Variants in GCC2 observed in about 807,000 individuals in gnomAD.
The protein encoded by GCC2 is GRIP and coiled-coil domain-containing protein 2.
Under a neutral mutation model 210.6 loss-of-function variants are expected in GCC2, and 120 were observed. The observed-to-expected ratio is 0.57, with a 90% confidence interval of 0.49 to 0.66. GCC2 has a LOEUF of 0.66. Ranked by LOEUF, GCC2 falls within the 30% of genes least tolerant of loss-of-function variation. The probability of loss-of-function intolerance (pLI) is 0.00; values close to 1 mark genes in which losing one functional copy is unlikely to be tolerated. For synonymous variants in GCC2, 703 were observed against 652.7 expected (o/e 1.08, Z -1.17); for missense variants, 1,868 against 1,871.9 (o/e 1.00, Z 0.04).
chr2:108,453,016 C>T (rs1012469643), intron 4 of GCC2, among the ~76,000 whole-genome samples: 1 of 152,196 alleles, frequency 6.6e-6, no homozygotes, highest in African/African-American at 2.4e-5. Context: ...ATGGTTGTTA[C>T]TTCATTCTCT....
chr2:108,502,621 ATTCTCTC>A (rs941434193), intron 22 of GCC2, among the ~76,000 whole-genome samples: 1 of 144,646 alleles, frequency 6.9e-6, no homozygotes, highest in African/African-American at 2.6e-5. Flanking sequence ...GATACCTTAC[ATTCTCTC>A]TTAAAGAGAG....
At chr2:108,479,993 A>C (rs76065931) in intron 9 of GCC2, among the ~76,000 whole-genome samples, 19 of 32,022 alleles carry the variant, frequency 5.9e-4, no homozygotes, top group Admixed American at 5.1e-3. Flanking sequence ...AAAAAAAAAA[A>C]AAAAAAAAAA....
intron 4 of GCC2, among the ~76,000 whole-genome samples, chr2:108,459,363 T>G (rs1334329391): frequency 6.6e-6 from 1 of 152,220 alleles, no homozygotes; most frequent in East Asian, 1.9e-4. Flanking sequence ...GATTTTGATT[T>G]TTAAAAATTT....
intron 4 of GCC2, among the ~76,000 whole-genome samples, chr2:108,454,862 C>T (rs544147371): frequency 6.6e-6 from 1 of 151,768 alleles, no homozygotes; most frequent in East Asian, 1.9e-4. Flanking sequence ...TGTTAGTTAT[C>T]ATTGTTATTA....
rs192776445 is a variant in GCC2 at position 108,484,108 on chromosome 2, G to C, written c.3451-41G>C. ...GAAAAAAAAAATTTACAAATGAACT[G>C]ATCTACTATTGTGTAAATCTTTTAC... On this transcript the variant is annotated intron_variant, in intron 12 of 22. Transcript: ENST00000309863. 398 of 1,394,346 alleles carry C rather than the reference G, an allele frequency of 2.9e-4. 1 individual carries two copies. In the African/African-American group the frequency reaches 4.5e-3, roughly 16 times the overall value. 86.4% of individuals were successfully genotyped at this position (1,394,346 alleles called of 1,614,324 possible).
In GCC2 at chr2:108,470,564, A is replaced by G. The variant is rs1260381807; in HGVS notation, c.1235A>G (p.Asn412Ser). ...TTAAAATCTGAGCTAGCAGGTTTAA[A>G]TAAACAGTTTTGCTATACTGTAGAA... is the stretch of plus-strand genomic sequence containing the variant. ...EKLKSELAGLNKQFCYTVEQH... is the reference protein window; with the variant it reads ...EKLKSELAGLSKQFCYTVEQH... Residue 412 changes from asparagine to serine, a missense_variant, in exon 6 of 23, where the codon AAT becomes AGT. Around this residue, in one of 3 missense-constraint regions of GCC2, gnomAD observed 1,847 missense variants for 1,765.2 expected, o/e 1.05. Transcript: ENST00000309863. The G allele has an allele frequency of 2.5e-6, 4 of 1,608,110 alleles. No individual in the cohort carries two copies. The highest frequency in any genetic ancestry group is 1.7e-6 in the Non-Finnish European group (2 of 1,177,774).
rs1410055755 is a variant in GCC2, at chr2:108,473,996, C to A, written c.2860+1097C>A. 1.1e-4 allele frequency among the ~76,000 whole-genome samples: 16 copies of A among 145,966 alleles called. No homozygotes were observed. In the Middle Eastern group the frequency reaches 0.014, roughly 128 times the overall value. On this transcript the variant is annotated intron_variant, in intron 7 of 22. Coordinates refer to ENST00000309863, the MANE Select transcript of GCC2 (RefSeq NM_181453.4). ...GTGAAACCCTGTCTCTACTAAAAAT[C>A]AAAAAAAAAAAATTAGCCGGGCGTT... is the stretch of plus-strand genomic sequence containing the variant.
At position 108,509,284 on chromosome 2, in the gene GCC2, T is replaced by A. The variant is rs1353703643; in HGVS notation, c.*1654T>A. 6.6e-6 allele frequency: 1 copy of A among 152,636 alleles called. No individual in the cohort carries two copies. The highest frequency in any genetic ancestry group is 2.4e-5 in the African/African-American group (1 of 41,450). 9.5% of individuals were successfully genotyped at this position (152,636 alleles called of 1,614,324 possible). On this transcript the variant is annotated 3_prime_UTR_variant, in exon 23 of 23. Transcript: ENST00000309863. The stretch of plus-strand genomic sequence containing the variant: ...CTTACGAATGTCATAACAAAATAAT[T>A]TTTTGCATGATAAAAAATTACTTTG...
chr2:108,487,961 C>G, intron 17 of GCC2, 141 bp downstream of exon 17: 1 of 791,348 alleles, frequency 1.3e-6, no homozygotes, highest in Non-Finnish European at 1.9e-6. Context: ...GGCTGGAGTG[C>G]AGTGGTGCAA....
At chr2:108,492,994 G>A (rs1398579234) in intron 19 of GCC2, among the ~76,000 whole-genome samples, 1 of 152,218 alleles carries the variant, frequency 6.6e-6, no homozygotes, top group African/African-American at 2.4e-5. Context: ...ACAGAAGTCT[G>A]TATAACCTCT....
In GCC2 at chr2:108,483,181, T is replaced by C. The variant is rs1321267794; in HGVS notation, c.3450+15T>C. 1 of 1,186,296 alleles carries C rather than the reference T, an allele frequency of 8.4e-7. No homozygotes were observed. Among genetic ancestry groups the C allele is most frequent in the East Asian group, 2.3e-5 (1 of 42,876 alleles). 73.5% of individuals were successfully genotyped at this position (1,186,296 alleles called of 1,614,324 possible). ...TGGTTAAAAAGGTAAAATAAAACAC[T>C]AGGATCAAAATTGATGTAATATTCA... On this transcript the variant is annotated intron_variant, in intron 12 of 22. Transcript: ENST00000309863.
chr2:108,500,768 T>G lies in GCC2; in HGVS notation c.4984+1014T>G, dbSNP rs192694021. Among the ~76,000 whole-genome samples, 71 of 152,332 alleles carry G rather than the reference T, an allele frequency of 4.7e-4. 1 individual carries two copies. In the East Asian group the frequency reaches 8.9e-3, roughly 19 times the overall value. Reference sequence around the variant, plus strand: ...CTTGCGTTGTCACCCATCTCTAAGTTTTCAACTCATGGACAATCTTTTGGC... The same window carrying G: ...CTTGCGTTGTCACCCATCTCTAAGTGTTCAACTCATGGACAATCTTTTGGC... On this transcript the variant is annotated intron_variant, in intron 22 of 22. Transcript: ENST00000309863.
Position 108,507,675 on chromosome 2 carries a change from C to A in GCC2, c.*45C>A. ...TTATTAACCAAATAGAATCTATTTA[C>A]AAAAATGGTTCACGTATATTACCAC... On this transcript the variant is annotated 3_prime_UTR_variant, in exon 23 of 23. Coordinates refer to ENST00000309863, the MANE Select transcript of GCC2 (RefSeq NM_181453.4). The A allele has an allele frequency of 7.4e-7, 1 of 1,342,716 alleles. No homozygotes were observed. Among genetic ancestry groups the A allele is most frequent in the Non-Finnish European group, 1.0e-6 (1 of 952,532 alleles). 83.2% of individuals were successfully genotyped at this position (1,342,716 alleles called of 1,614,324 possible). A position where few individuals can be genotyped will look rare whatever the true frequency, so the allele number is the denominator to read the frequency against.
intron 21 of GCC2, among the ~76,000 whole-genome samples, chr2:108,497,666 T>A (rs1392047168): frequency 6.6e-6 from 1 of 152,000 alleles, no homozygotes; most frequent in Non-Finnish European, 1.5e-5. Context: ...GCATGGGAAG[T>A]TTTTCCTGTT....
rs1374737591 is a variant in GCC2, at chr2:108,470,522, G to T, written c.1193G>T (p.Gly398Val). 6.2e-7 allele frequency: 1 copy of T among 1,607,172 alleles called. No individual in the cohort carries two copies. Among genetic ancestry groups the T allele is most frequent in the East Asian group, 2.2e-5 (1 of 44,774 alleles). Residue 398 changes from glycine (G) to valine (V), a missense_variant, in exon 6 of 23, where the codon GGC (glycine) becomes GTC (valine). Physicochemically the swap from Gly to Val is moderately radical, Grantham distance 109. This residue lies in a region of GCC2 where 1,847 missense variants were observed against 1,765.2 expected (regional missense o/e 1.05). Transcript: ENST00000309863. ...NELLLAKEEQ[G>V]CVIEKLKSEL... The stretch of plus-strand genomic sequence containing the variant: ...TTATTACTAGCTAAAGAAGAACAGG[G>T]CTGTGTAATTGAAAAATTAAAATCT...
At chr2:108,482,917 T>A (rs1415808555) in intron 11 of GCC2, 145 bp from the exon 12 acceptor site, 3 of 588,264 alleles carry the variant, frequency 5.1e-6, no homozygotes, top group Non-Finnish European at 9.3e-6. Context: ...CCTGACCTTG[T>A]GATCCACCCG....
Position 108,451,048 on chromosome 2 carries a change from A to C in GCC2, c.84A>C (p.Glu28Asp), listed in dbSNP as rs767161895. The C allele has an allele frequency of 1.2e-6, 2 of 1,612,418 alleles. No homozygotes were observed. The highest frequency in any genetic ancestry group is 1.7e-6 in the Non-Finnish European group (2 of 1,178,548). Residue 28 changes from glutamate (E) to aspartate (D), a missense_variant, in exon 3 of 23, where the codon GAA becomes GAC. Glu to Asp is a conservative substitution (Grantham distance 45). This residue lies in a region of GCC2 where 1,847 missense variants were observed against 1,765.2 expected (regional missense o/e 1.05). Transcript: ENST00000309863. Reference sequence around the variant, plus strand: ...TTCAGCTGGAAACATTGCCCAAAGAAGACCTCATCAAGTTTGCCAAGAAAC... The same window carrying C: ...TTCAGCTGGAAACATTGCCCAAAGACGACCTCATCAAGTTTGCCAAGAAAC... Reference protein sequence around the residue: ...GKSKLETLPKEDLIKFAKKQM... With the variant: ...GKSKLETLPKDDLIKFAKKQM...
At position 108,509,207 on chromosome 2, in the gene GCC2, G is replaced by A. The variant is rs1357451513; in HGVS notation, c.*1577G>A. ...TTTAAATATATTTCACTTTCTCTTT[G>A]ACTTTAGACCTTTTGAAGTCTGTAT... On this transcript the variant is annotated 3_prime_UTR_variant, in exon 23 of 23. Coordinates refer to ENST00000309863, the MANE Select transcript of GCC2 (RefSeq NM_181453.4). 1 of 152,460 alleles carries A rather than the reference G, an allele frequency of 6.6e-6. No individual in the cohort carries two copies. Among genetic ancestry groups the A allele is most frequent in the Non-Finnish European group, 1.5e-5 (1 of 68,014 alleles). 9.4% of individuals were successfully genotyped at this position (152,460 alleles called of 1,614,324 possible).
At chr2:108,460,223 A>G (rs761255408) in intron 4 of GCC2, among the ~76,000 whole-genome samples, 4 of 152,134 alleles carry the variant, frequency 2.6e-5, no homozygotes, top group Non-Finnish European at 5.9e-5. Context: ...ATCTTTTTCC[A>G]TGCTTTAACT....
Sources: allele counts gnomAD v4.1 joint callset (sites outside exome capture counted in the v4.1 genomes callset), GRCh38; gene constraint gnomAD v4.1.1; regional missense constraint gnomAD v4.1.1; transcripts MANE v1.5; gene names NCBI Gene and HGNC (gene_info 2026-07-23, HGNC 2026-07-21).